Variants in RAD54L2 observed in about 807,000 individuals in gnomAD.
The protein encoded by RAD54L2 is RAD54 like 2.
In RAD54L2, 27 loss-of-function variants were observed where a neutral mutation model predicts 138.4. That is an observed-to-expected ratio of 0.20 (90% CI 0.14 to 0.27). The LOEUF (loss-of-function observed/expected upper bound fraction) is 0.27, where lower values mean the gene tolerates loss of function less well. RAD54L2 is among the 10% of genes least tolerant of loss of function. The probability of loss-of-function intolerance (pLI) is 1.00; values close to 1 mark genes in which losing one functional copy is unlikely to be tolerated. For synonymous variants in RAD54L2, 644 were observed against 723.2 expected (o/e 0.89, Z 1.76); for missense variants, 1,396 against 1,890.2 (o/e 0.74, Z 4.85).
intron 3 of RAD54L2, among the ~76,000 whole-genome samples, chr3:51,600,292 T>C (rs1158824319): frequency 2.0e-5 from 3 of 152,044 alleles, no homozygotes; most frequent in African/African-American, 7.2e-5. Flanking sequence ...CAGTGGGACA[T>C]ATTATATGGA....
intron 2 of RAD54L2, among the ~76,000 whole-genome samples, chr3:51,577,832 C>T (rs1296623183): frequency 6.6e-6 from 1 of 152,144 alleles, no homozygotes; most frequent in African/African-American, 2.4e-5. Context: ...TCAGAAATCA[C>T]CCATCTTCTG....
At chr3:51,643,149 C>A (rs1012737712) in intron 15 of RAD54L2, among the ~76,000 whole-genome samples, 1 of 151,398 alleles carries the variant, frequency 6.6e-6, no homozygotes, top group African/African-American at 2.4e-5. Context: ...GATTCTCCTG[C>A]CTCAGCCTCC....
At chr3:51,542,399 C>A (rs1182267946) in intron 2 of RAD54L2, among the ~76,000 whole-genome samples, 1 of 151,412 alleles carries the variant, frequency 6.6e-6, no homozygotes, top group African/African-American at 2.4e-5. Context: ...AGGAAGGCAG[C>A]TGTCTGCACC....
At chr3:51,587,631 C>G (rs1012297866) in intron 2 of RAD54L2, among the ~76,000 whole-genome samples, 18 of 152,140 alleles carry the variant, frequency 1.2e-4, no homozygotes, top group African/African-American at 4.3e-4. Flanking sequence ...ACCATCTGCA[C>G]ACACACACTC....
intron 2 of RAD54L2, among the ~76,000 whole-genome samples, chr3:51,577,424 T>G (rs931116910): frequency 6.6e-6 from 1 of 152,226 alleles, no homozygotes; most frequent in African/African-American, 2.4e-5. Flanking sequence ...CTCGTCGATC[T>G]GTCTAATGTT....
At chr3:51,553,655 T>C (rs1227753102) in intron 2 of RAD54L2, among the ~76,000 whole-genome samples, 1 of 152,168 alleles carries the variant, frequency 6.6e-6, no homozygotes, top group African/African-American at 2.4e-5. Flanking sequence ...AACGAGACCC[T>C]GTCTCTACAA....
At chr3:51,582,373 ATCT>A (rs974387097) in intron 2 of RAD54L2, among the ~76,000 whole-genome samples, 1 of 82,796 alleles carries the variant, frequency 1.2e-5, no homozygotes, top group African/African-American at 3.7e-5. Context: ...GTATCCAGAG[ATCT>A]TATTTTTTTC....
chr3:51,638,000 A>G lies in RAD54L2; in HGVS notation c.1683-144A>G, dbSNP rs1286865926. The G allele has an allele frequency of 4.0e-6, 3 of 747,324 alleles. No homozygotes were observed. Among genetic ancestry groups the G allele is most frequent in the Non-Finnish European group, 6.5e-6 (3 of 464,238 alleles). 46.3% of individuals were successfully genotyped at this position (747,324 alleles called of 1,614,324 possible). A position where few individuals can be genotyped will look rare whatever the true frequency, so the allele number is the denominator to read the frequency against. On this transcript the variant is annotated intron_variant, in intron 11 of 22. Transcript: ENST00000684192. This position sits in a 1 kb window ranked among gnomAD's most constrained non-coding sequence, Gnocchi z 5.9. ...TGAGTTTCTTCTTGGTTGTTGAACC[A>G]CTCTGCATTATTGCAAGGCTGCAGT...
chr3:51,630,958 C>G (rs1224413055), intron 7 of RAD54L2, 27 bp downstream of exon 7: 10 of 1,574,684 alleles, frequency 6.4e-6, no homozygotes, highest in Non-Finnish European at 8.7e-6. Context: ...CTGTTTTCTC[C>G]TTTTCCTTTT....
intron 3 of RAD54L2, among the ~76,000 whole-genome samples, chr3:51,618,055 T>A (rs1048055407): frequency 2.0e-5 from 3 of 151,700 alleles, no homozygotes; most frequent in Non-Finnish European, 4.4e-5. Context: ...GCTTCCTGGG[T>A]TCAAGCAATT....
chr3:51,578,326 A>G (rs930213760), intron 2 of RAD54L2, among the ~76,000 whole-genome samples: 4 of 152,176 alleles, frequency 2.6e-5, no homozygotes, highest in South Asian at 2.1e-4. Context: ...CTAGGGAACA[A>G]TGCTGCTTCC....
intron 4 of RAD54L2, among the ~76,000 whole-genome samples, chr3:51,628,678 C>G (rs778929767): frequency 6.6e-6 from 1 of 152,072 alleles, no homozygotes; most frequent in Non-Finnish European, 1.5e-5. Context: ...GCATGAGCCA[C>G]TGTGCCCGGC....
chr3:51,661,737 T>C (rs1701780867), intron 22 of RAD54L2, among the ~76,000 whole-genome samples: 1 of 152,250 alleles, frequency 6.6e-6, no homozygotes, highest in Admixed American at 6.5e-5. Context: ...CCATATACCC[T>C]GCACCTAGAT....
chr3:51,639,596 A>G lies in RAD54L2; in HGVS notation c.2038A>G (p.Asn680Asp), dbSNP rs1197226065. The change falls in exon 13 of 23, where the codon AAT becomes GAT. Residue 680 changes from asparagine to aspartate, a missense_variant. By Grantham distance (23) the Asn-to-Asp change is conservative. Around this residue, in one of 7 missense-constraint regions of RAD54L2, gnomAD observed 211 missense variants for 273.8 expected, o/e 0.77. Coordinates refer to ENST00000684192, the MANE Select transcript of RAD54L2 (RefSeq NM_015106.4). ...TLASSMGEAT[N>D]SKFLQGVGFN... ...GGCTTCCTCGATGGGAGAGGCAACC[A>G]ATAGCAAGTTCCTACAGGGCGTTGG... is the stretch of plus-strand genomic sequence containing the variant. 6.2e-7 allele frequency: 1 copy of G among 1,613,990 alleles called. No homozygotes were observed. The highest frequency in any genetic ancestry group is 1.1e-5 in the South Asian group (1 of 91,078).
Position 51,663,592 on chromosome 3 carries a change from GGCAA to G in RAD54L2, c.*173_*176del. On this transcript the variant is annotated 3_prime_UTR_variant, in exon 23 of 23. Coordinates refer to ENST00000684192, the MANE Select transcript of RAD54L2 (RefSeq NM_015106.4). ...AGCTCTGTTGCTGTTTAACAAAAGA[GGCAA>G]AAAAAAAAAAAAAAAAAAAAAAGTC... 1 of 101,186 alleles carries G rather than the reference GGCAA, an allele frequency of 9.9e-6. No homozygotes were observed. The highest frequency in any genetic ancestry group is 1.7e-5 in the Non-Finnish European group (1 of 57,736). 6.3% of individuals were successfully genotyped at this position (101,186 alleles called of 1,614,324 possible).
Position 51,645,778 on chromosome 3 carries a change from T to C in RAD54L2, c.2829+15T>C, listed in dbSNP as rs367902564. 138 of 1,598,876 alleles carry C rather than the reference T, an allele frequency of 8.6e-5. No homozygotes were observed. Among genetic ancestry groups the C allele is most frequent in the Non-Finnish European group, 1.1e-4 (124 of 1,173,134 alleles). ...TCATCACCAAGGTAAGAACTTGGTA[T>C]GCATGCAATCCCCAGAGTGGCAGTC... On this transcript the variant is annotated intron_variant, in intron 18 of 22. Transcript: ENST00000684192. This position sits in a 1 kb window ranked among gnomAD's most constrained non-coding sequence, Gnocchi z 6.1.
Position 51,638,592 on chromosome 3 carries a change from A to G in RAD54L2, c.1860+271A>G. ...CACAACTTGTTATTCCAAGGGGATT[A>G]ATGGAAAAATACTGTGGGGCAGCGT... On this transcript the variant is annotated intron_variant, in intron 12 of 22. Coordinates refer to ENST00000684192, the MANE Select transcript of RAD54L2 (RefSeq NM_015106.4). The surrounding 1 kb of genome is among the most constrained non-coding windows in gnomAD (Gnocchi z 4.3). 2.8e-6 allele frequency: 1 copy of G among 361,758 alleles called. No individual in the cohort carries two copies. The highest frequency in any genetic ancestry group is 5.0e-6 in the Non-Finnish European group (1 of 200,644). 22.4% of individuals were successfully genotyped at this position (361,758 alleles called of 1,614,324 possible).
intron 3 of RAD54L2, among the ~76,000 whole-genome samples, chr3:51,590,774 T>C (rs1453143916): frequency 6.6e-6 from 1 of 152,210 alleles, no homozygotes; most frequent in Non-Finnish European, 1.5e-5. Context: ...TGGAAGAACC[T>C]TTAGCCTTTA....
chr3:51,555,635 G>T (rs1698942884), intron 2 of RAD54L2, among the ~76,000 whole-genome samples: 1 of 152,174 alleles, frequency 6.6e-6, no homozygotes, highest in Non-Finnish European at 1.5e-5. Context: ...TCCAGCCTGG[G>T]TGACAGAGTG....
Sources: gnomAD v4.1 joint callset for allele counts (sites outside exome capture counted in the v4.1 genomes callset) on GRCh38, gnomAD v4.1.1 for gene constraint, gnomAD v4.1.1 regional missense constraint, Gnocchi (gnomAD v3.1) non-coding constraint, MANE v1.5 for transcripts, NCBI Gene and HGNC (gene_info 2026-07-23, HGNC 2026-07-21) for gene names.